The following TRIM24 variants were observed in gnomAD, a reference collection of about 807,000 sequenced individuals.
TRIM24 encodes the protein tripartite motif containing 24.
Under a neutral mutation model 123.9 loss-of-function variants are expected in TRIM24, and 29 were observed. That is an observed-to-expected ratio of 0.23 (90% CI 0.17 to 0.32). The LOEUF is 0.32. Ranked by LOEUF, TRIM24 falls within the 10% of genes least tolerant of loss-of-function variation. The pLI is 1.00. For missense variants in TRIM24, 932 were observed against 1,295.3 expected, an observed-to-expected ratio of 0.72 and a Z score of 4.31; for synonymous variants, 456 against 461.1, an observed-to-expected ratio of 0.99 and a Z score of 0.14.
intron 1 of TRIM24, among the ~76,000 whole-genome samples, chr7:138,462,547 A>G (rs1025850837): frequency 2.6e-5 from 4 of 151,524 alleles, no homozygotes; most frequent in Non-Finnish European, 2.9e-5. Flanking sequence ...TCACCGTGTT[A>G]GCCAGGATGG....
In TRIM24 at chr7:138,580,807, G is replaced by A. The variant is rs192819691; in HGVS notation, c.2718+113G>A. 988 of 1,039,634 alleles carry A rather than the reference G, an allele frequency of 9.5e-4. 11 individuals carry two copies. The African/African-American group carries it at 0.015, about 16-fold the overall frequency. 64.4% of individuals were successfully genotyped at this position (1,039,634 alleles called of 1,614,324 possible). The stretch of plus-strand genomic sequence containing the variant: ...TTTTATACTGATCCTTTTTATTTAA[G>A]AGTATTTTTTTTTGTTTACAAAGGT... On this transcript the variant is annotated intron_variant, in intron 16 of 18. Coordinates refer to ENST00000343526, the MANE Select transcript of TRIM24 (RefSeq NM_015905.3).
chr7:138,498,002 T>A (rs1795951901), intron 1 of TRIM24, among the ~76,000 whole-genome samples: 1 of 151,254 alleles, frequency 6.6e-6, no homozygotes, highest in South Asian at 2.1e-4. Context: ...CCTGTGTGGT[T>A]TTTTTATTTT....
At chr7:138,512,385 C>G (rs916831879) in intron 2 of TRIM24, among the ~76,000 whole-genome samples, 6 of 152,190 alleles carry the variant, frequency 3.9e-5, no homozygotes, top group African/African-American at 1.4e-4. Context: ...TCCAGCCCCA[C>G]ATTTCTCCTC....
At chr7:138,516,635 G>A (rs909567153) in intron 3 of TRIM24, among the ~76,000 whole-genome samples, 4 of 151,996 alleles carry the variant, frequency 2.6e-5, no homozygotes, top group Non-Finnish European at 5.9e-5. Context: ...GATTACAAGC[G>A]TGAACCACTG....
chr7:138,541,208 A>G (rs1796996418), intron 7 of TRIM24, among the ~76,000 whole-genome samples: 2 of 152,038 alleles, frequency 1.3e-5, no homozygotes, highest in African/African-American at 4.8e-5. Flanking sequence ...TACAACACTG[A>G]GAGGCTGAGG....
chr7:138,551,562 C>T (rs952384219), intron 8 of TRIM24, among the ~76,000 whole-genome samples: 6 of 152,142 alleles, frequency 3.9e-5, no homozygotes, highest in African/African-American at 1.4e-4. Flanking sequence ...TATATGGTAA[C>T]AAATATACAT....
intron 6 of TRIM24, among the ~76,000 whole-genome samples, chr7:138,536,744 TCAGA>T (rs1246536489): frequency 6.6e-6 from 1 of 152,236 alleles, no homozygotes; most frequent in Non-Finnish European, 1.5e-5. Context: ...TTCAAAGCTG[TCAGA>T]CAGGGACATT....
chr7:138,466,425 T>C (rs529192296), intron 1 of TRIM24, among the ~76,000 whole-genome samples: 1 of 151,948 alleles, frequency 6.6e-6, no homozygotes, highest in Admixed American at 6.6e-5. Flanking sequence ...TTTGGTGAGA[T>C]TTTGGTTTGT....
Position 138,579,259 on chromosome 7 carries a change from C to T in TRIM24, c.2312C>T (p.Ser771Phe). Residue 771 changes from serine to phenylalanine, a missense_variant, in exon 15 of 19, where the codon TCT (serine) becomes TTT (phenylalanine). By Grantham distance (155) the Ser-to-Phe change is radical (BLOSUM62 -2). Coordinates refer to ENST00000343526, the MANE Select transcript of TRIM24 (RefSeq NM_015905.3). ...TSLLLNSSQS[S>F]TSEETVLRSD... ...CTGCTCTTAAATAGCAGTCAGAGCT[C>T]TACTTCTGAGGAGACTGTGCTAAGA... 1 of 1,613,526 alleles carries T rather than the reference C, an allele frequency of 6.2e-7. No individual in the cohort carries two copies. The highest frequency in any genetic ancestry group is 8.5e-7 in the Non-Finnish European group (1 of 1,179,582).
chr7:138,569,984 G>C (rs1239599355), intron 10 of TRIM24, among the ~76,000 whole-genome samples: 2 of 133,874 alleles, frequency 1.5e-5, no homozygotes, highest in African/African-American at 2.8e-5. Context: ...CTCTCTCTCT[G>C]TAGCCCAGGC....
intron 16 of TRIM24, 128 bp downstream of exon 16, chr7:138,580,822 T>G: frequency 2.3e-6 from 2 of 858,896 alleles, no homozygotes; most frequent in Non-Finnish European, 3.2e-6. Context: ...TTTTTTTTTG[T>G]TTACAAAGGT....
chr7:138,527,829 A>G (rs1796641507), intron 5 of TRIM24, among the ~76,000 whole-genome samples: 1 of 152,192 alleles, frequency 6.6e-6, no homozygotes, highest in Non-Finnish European at 1.5e-5. Flanking sequence ...GGAGGATTTT[A>G]TTGAGTGCAC....
intron 1 of TRIM24, among the ~76,000 whole-genome samples, chr7:138,471,431 C>T (rs770008461): frequency 6.6e-6 from 1 of 152,042 alleles, no homozygotes; most frequent in Non-Finnish European, 1.5e-5. Flanking sequence ...TCCTCTTTGA[C>T]ATTATGAAAC....
Position 138,460,734 on chromosome 7 carries a change from C to T in TRIM24, c.186C>T (p.Asn62=), listed in dbSNP as rs1794941356. 9 of 1,574,070 alleles carry T rather than the reference C, an allele frequency of 5.7e-6. No individual in the cohort carries two copies. The highest frequency in any genetic ancestry group is 7.7e-6 in the Non-Finnish European group (9 of 1,163,430). Residue 62 remains asparagine (N), a synonymous_variant, in exon 1 of 19, where the codon AAC becomes AAT. Coordinates refer to ENST00000343526, the MANE Select transcript of TRIM24 (RefSeq NM_015905.3). ...LLDTCAVCHQ[N]IQSRAPKLLP... ...ACACTTGCGCCGTGTGCCACCAGAA[C>T]ATCCAGAGCCGGGCGCCCAAGCTGC...
At chr7:138,577,710 G>T in intron 14 of TRIM24, 122 bp downstream of exon 14, 1 of 823,800 alleles carries the variant, frequency 1.2e-6, no homozygotes, top group East Asian at 3.3e-5. Flanking sequence ...GACAATTTGA[G>T]GGAATCTCTC....
intron 2 of TRIM24, 23 bp downstream of exon 2, chr7:138,504,431 C>T: frequency 3.4e-6 from 3 of 878,598 alleles, no homozygotes; most frequent in East Asian, 3.1e-5. Context: ...CATCTTGAAC[C>T]TTTTGCCTGC....
intron 11 of TRIM24, among the ~76,000 whole-genome samples, chr7:138,571,204 G>A (rs535488264): frequency 3.7e-4 from 57 of 152,196 alleles, no homozygotes; most frequent in Middle Eastern, 3.4e-3. Context: ...GATAGCACAC[G>A]CCTGTAATCC....
At chr7:138,517,033 A>G (rs1796412709) in intron 3 of TRIM24, among the ~76,000 whole-genome samples, 1 of 151,574 alleles carries the variant, frequency 6.6e-6, no homozygotes, top group South Asian at 2.1e-4. Context: ...TGAACCAGGG[A>G]GCTCGAAGCT....
At chr7:138,503,542 A>G (rs1049637703) in intron 1 of TRIM24, among the ~76,000 whole-genome samples, 2 of 147,740 alleles carry the variant, frequency 1.4e-5, no homozygotes, top group African/African-American at 4.9e-5. Context: ...ATTTGTTCTT[A>G]TGCATTTCAT....
Sources: gnomAD v4.1 joint callset for allele counts (sites outside exome capture counted in the v4.1 genomes callset) on GRCh38, gnomAD v4.1.1 for gene constraint, MANE v1.5 for transcripts, NCBI Gene and HGNC (gene_info 2026-07-23, HGNC 2026-07-21) for gene names.